NEBL: variants seen among roughly 807,000 people sequenced by gnomAD.
NEBL encodes the protein LIM and SH3 protein 2.
NEBL carries 122 observed loss-of-function variants against 140.2 expected under a neutral mutation model. The observed-to-expected ratio is 0.87, with a 90% CI of 0.75 to 1.01. The LOEUF is 1.01. Among genes scored for constraint, NEBL ranks in the 50% least tolerant of loss-of-function variants. The probability of loss-of-function intolerance (pLI) is 0.00; values close to 1 mark genes in which losing one functional copy is unlikely to be tolerated. For missense variants in NEBL, 1,365 were observed against 1,231.3 expected, an observed-to-expected ratio of 1.11 and a Z score of -1.62; for synonymous variants, 436 against 398.9, an observed-to-expected ratio of 1.09 and a Z score of -1.11.
rs111997042 is a variant in NEBL at position 21,098,238 on chromosome 10, G to A, written c.164+74145C>T. Among the ~76,000 whole-genome samples the A allele has an allele frequency of 5.5e-4, 84 of 151,986 alleles. 2 individuals carry two copies. Among genetic ancestry groups the A allele is most frequent in the Admixed American group, 1.5e-3 (23 of 15,264 alleles). The stretch of plus-strand genomic sequence containing the variant: ...TTCTCACTCACACGTGCACACATAC[G>A]TACACACACTTGTACACATTCACAC... On this transcript the variant is annotated intron_variant, in intron 2 of 6. Transcript: ENST00000417816.
In NEBL at chr10:21,126,187, A is replaced by T. The variant is rs542295618; in HGVS notation, c.164+46196T>A. ...GTACCCCCCATAGAAAGGAAAAAAA[A>T]TACCACATTTGGAATAATAACAACT... is the stretch of plus-strand genomic sequence containing the variant. On this transcript the variant is annotated intron_variant, in intron 2 of 6. Coordinates refer to the NEBL transcript ENST00000417816. 6.7e-6 allele frequency: 10 copies of T among 1,495,942 alleles called. No homozygotes were observed. In the East Asian group the frequency reaches 9.2e-5, roughly 14 times the overall value. The allele number at this position is 1,495,942 out of a possible 1,614,324, so 92.7% of individuals were successfully genotyped here. A position where few individuals can be genotyped will look rare whatever the true frequency, so the allele number is the denominator to read the frequency against.
chr10:20,931,507 T>C (rs925006584), intron 4 of NEBL, among the ~76,000 whole-genome samples: 5 of 152,198 alleles, frequency 3.3e-5, no homozygotes, highest in Non-Finnish European at 7.4e-5. Flanking sequence ...AGATATGGGA[T>C]GAGAGTCAGT....
At chr10:21,212,624 G>A (rs542695270) in intron 3 of NEBL, among the ~76,000 whole-genome samples, 1 of 152,336 alleles carries the variant, frequency 6.6e-6, no homozygotes, top group African/African-American at 2.4e-5. Flanking sequence ...TAGCTTGTTG[G>A]ATGACCAGGG....
intron 1 of NEBL, among the ~76,000 whole-genome samples, chr10:21,262,838 C>T (rs1271882262): frequency 6.6e-6 from 1 of 152,166 alleles, no homozygotes; most frequent in Non-Finnish European, 1.5e-5. Context: ...CCCATGATTA[C>T]AAACCTCTCT....
chr10:20,997,471 TAAAAAAAAAAAAAAAAAAAAAAAA>T (rs55712388), intron 3 of NEBL, among the ~76,000 whole-genome samples: 61 of 25,172 alleles, frequency 2.4e-3, no homozygotes, highest in South Asian at 8.0e-3. Flanking sequence ...ACAGTCTCAG[TAAAAAAAAAAAAAAAAAAAAAAAA>T]AAAAAAAAAA....
At chr10:20,854,736 T>C (rs1457486334) in intron 9 of NEBL, among the ~76,000 whole-genome samples, 2 of 151,704 alleles carry the variant, frequency 1.3e-5, no homozygotes, top group Non-Finnish European at 2.9e-5. Flanking sequence ...AGCTAATTTC[T>C]TTATTTTTTG....
Position 21,120,707 on chromosome 10 carries a change from C to G in NEBL, c.164+51676G>C, listed in dbSNP as rs754083489. On this transcript the variant is annotated intron_variant, in intron 2 of 6. Transcript: ENST00000417816. ...AAAAAAAAAAAAAAAAAAAAAAACC[C>G]AGGACCACCTATGCAAGAGTGTTAG... Among the ~76,000 whole-genome samples the G allele has an allele frequency of 3.8e-4, 53 of 138,104 alleles. 1 individual carries two copies. The highest frequency in any genetic ancestry group is 1.1e-3 in the Admixed American group (15 of 13,670). 90.6% of individuals were successfully genotyped at this position (138,104 alleles called of 152,430 possible). A position where few individuals can be genotyped will look rare whatever the true frequency, so the allele number is the denominator to read the frequency against.
At chr10:21,162,864 A>G (rs1260677162) in intron 2 of NEBL, among the ~76,000 whole-genome samples, 2 of 152,372 alleles carry the variant, frequency 1.3e-5, no homozygotes, top group East Asian at 3.9e-4. Flanking sequence ...AGTCACTCCA[A>G]TGCCAGAGGG....
chr10:21,005,532 C>T (rs915319569), intron 3 of NEBL, among the ~76,000 whole-genome samples: 5 of 152,116 alleles, frequency 3.3e-5, no homozygotes, highest in African/African-American at 7.2e-5. Context: ...CCCAAGAGTT[C>T]GAGACCAGCC....
At chr10:20,823,455 G>A (rs757383202) in intron 18 of NEBL, among the ~76,000 whole-genome samples, 155 bp from the exon 19 acceptor site, 44 of 152,100 alleles carry the variant, frequency 2.9e-4, no homozygotes, top group Non-Finnish European at 5.3e-4. Context: ...TTTATATGAT[G>A]CTTTCAGGAT....
At chr10:20,892,420 G>T (rs1013123255) in intron 2 of NEBL, among the ~76,000 whole-genome samples, 5 of 152,200 alleles carry the variant, frequency 3.3e-5, no homozygotes, top group African/African-American at 1.2e-4. Context: ...AGAAGGAAAG[G>T]AGCCTGGGAG....
intron 26 of NEBL, among the ~76,000 whole-genome samples, chr10:20,791,654 C>T (rs1404836721): frequency 1.3e-5 from 2 of 152,210 alleles, no homozygotes; most frequent in African/African-American, 4.8e-5. Context: ...CTCAGACTCC[C>T]AAAGCACTGG....
chr10:21,029,041 A>G, intron 2 of NEBL: 4 of 868,032 alleles, frequency 4.6e-6, no homozygotes, highest in Non-Finnish European at 5.5e-6. Flanking sequence ...GAGGAAAACT[A>G]TCTCCCTAAC....
intron 2 of NEBL, among the ~76,000 whole-genome samples, chr10:21,145,523 G>A (rs1392905181): frequency 3.3e-5 from 5 of 152,220 alleles, no homozygotes; most frequent in African/African-American, 1.2e-4. Flanking sequence ...GTAAGTATCT[G>A]TTGAATAAAT....
chr10:20,870,268 G>C (rs1156331188), intron 5 of NEBL, among the ~76,000 whole-genome samples: 1 of 147,750 alleles, frequency 6.8e-6, no homozygotes, highest in African/African-American at 2.5e-5. Context: ...AGAGGTTGCA[G>C]TGCACCAAGA....
intron 26 of NEBL, among the ~76,000 whole-genome samples, chr10:20,789,101 C>G (rs922695425): frequency 5.3e-5 from 8 of 152,082 alleles, no homozygotes; most frequent in Non-Finnish European, 1.0e-4. Context: ...GGGCACCTGG[C>G]CTTTTACCCA....
rs534065500 is a variant in NEBL at position 20,785,503 on chromosome 10, T to C, written c.*244A>G. ...TTCAATAGCCAATCAAAGGAAACCATGAACACAATTAGCAGCACCAGGTGT... is the reference window on the plus strand; with the variant it reads ...TTCAATAGCCAATCAAAGGAAACCACGAACACAATTAGCAGCACCAGGTGT... On this transcript the variant is annotated 3_prime_UTR_variant, in exon 28 of 28. Coordinates refer to ENST00000377122, the MANE Select transcript of NEBL (RefSeq NM_006393.3). The C allele has an allele frequency of 1.8e-6, 1 of 541,548 alleles. No individual in the cohort carries two copies. Among genetic ancestry groups the C allele is most frequent in the Non-Finnish European group, 3.3e-6 (1 of 302,674 alleles). 33.5% of individuals were successfully genotyped at this position (541,548 alleles called of 1,614,324 possible). A position where few individuals can be genotyped will look rare whatever the true frequency, so the allele number is the denominator to read the frequency against.
intron 3 of NEBL, among the ~76,000 whole-genome samples, chr10:21,193,526 C>G (rs1022058652): frequency 6.6e-6 from 1 of 152,156 alleles, no homozygotes; most frequent in Non-Finnish European, 1.5e-5. Context: ...CTATTTCAAG[C>G]CAAGTCCTAC....
intron 4 of NEBL, among the ~76,000 whole-genome samples, chr10:20,910,170 A>T (rs1272940519): frequency 6.6e-6 from 1 of 152,192 alleles, no homozygotes; most frequent in Admixed American, 6.5e-5. Flanking sequence ...TGAGTTGAGG[A>T]CATACTTTTT....
Sources: gnomAD v4.1 joint callset for allele counts (sites outside exome capture counted in the v4.1 genomes callset) on GRCh38, gnomAD v4.1.1 for gene constraint, MANE v1.5 for transcripts, NCBI Gene and HGNC (gene_info 2026-07-23, HGNC 2026-07-21) for gene names.